STAT1: variants seen among roughly 807,000 people sequenced by gnomAD.
STAT1 encodes the protein signal transducer and activator of transcription 1-alpha/beta.
A neutral mutation model predicts 111.7 loss-of-function variants in STAT1; 24 were observed. That is an observed-to-expected ratio of 0.21 (90% confidence interval 0.16 to 0.30). The LOEUF is 0.30. STAT1 is among the 10% of genes least tolerant of loss of function. STAT1 has a pLI of 1.00. For synonymous variants in STAT1, 332 were observed against 326.5 expected (o/e 1.02, Z -0.18); for missense variants, 351 against 911.9 (o/e 0.38, Z 7.92).
At position 190,978,777 on chromosome 2, in the gene STAT1, G is replaced by C; in HGVS notation, c.1873+79C>G. ...ATTTCATGTCCCAAACGCACTATCTGTATGAGCTGACTGGCGGCGATGAAG... is the reference window on the plus strand; with the variant it reads ...ATTTCATGTCCCAAACGCACTATCTCTATGAGCTGACTGGCGGCGATGAAG... On this transcript the variant is annotated intron_variant, in intron 21 of 24. Transcript: ENST00000361099. The surrounding 1 kb of genome is among the most constrained non-coding windows in gnomAD (Gnocchi z 6.1). The C allele has an allele frequency of 6.4e-7, 1 of 1,567,590 alleles. No homozygotes were observed. The highest frequency in any genetic ancestry group is 8.7e-7 in the Non-Finnish European group (1 of 1,152,380).
At chr2:190,994,991 G>T in intron 10 of STAT1, 70 bp downstream of exon 10, 1 of 1,342,498 alleles carries the variant, frequency 7.4e-7, no homozygotes, top group Non-Finnish European at 1.1e-6. Context: ...TAAATCATCT[G>T]AATTAACGGT....
rs1227074505 is a variant in STAT1 at position 191,012,289 on chromosome 2, A to C, written c.-2+1236T>G. Reference sequence around the variant, plus strand: ...AAATTAGCAGGGCATGGTGGTGTGCACCTGTAGTCCCAACTACTCGTGAGG... The same window carrying C: ...AAATTAGCAGGGCATGGTGGTGTGCCCCTGTAGTCCCAACTACTCGTGAGG... On this transcript the variant is annotated intron_variant, in intron 2 of 24. Transcript: ENST00000361099. This position sits in a 1 kb window ranked among gnomAD's most constrained non-coding sequence, Gnocchi z 4.0. 6.6e-6 allele frequency among the ~76,000 whole-genome samples: 1 copy of C among 151,768 alleles called. No individual in the cohort carries two copies. The highest frequency in any genetic ancestry group is 2.0e-4 in the East Asian group (1 of 5,106).
rs146141778 is a variant in STAT1 at position 190,995,204 on chromosome 2, C to G, written c.801G>C (p.Ala267=). ...DQLQNWFTIV[A]ESLQQVRQQL... ...GCTGCCGAACTTGCTGCAGACTCTC[C>G]GCAACTATAGTGAACCTGGGAAGAC... Residue 267 remains alanine (A), a synonymous_variant, in exon 10 of 25, where the codon GCG becomes GCC. Transcript: ENST00000361099. The surrounding 1 kb of genome is among the most constrained non-coding windows in gnomAD (Gnocchi z 4.2). The G allele has an allele frequency of 6.2e-6, 10 of 1,613,868 alleles. No homozygotes were observed. The highest frequency in any genetic ancestry group is 8.5e-6 in the Non-Finnish European group (10 of 1,179,948).
chr2:190,990,787 G>A lies in STAT1; in HGVS notation c.1037+441C>T, dbSNP rs1366235757. 2.0e-5 allele frequency among the ~76,000 whole-genome samples: 3 copies of A among 152,078 alleles called. No homozygotes were observed. Among genetic ancestry groups the A allele is most frequent in the East Asian group, 1.9e-4 (1 of 5,190 alleles). ...GGTGGTCCACAGATATTTATATCAC[G>A]GACTGCTTTGAGAAACTGATGAAAG... On this transcript the variant is annotated intron_variant, in intron 11 of 24. Coordinates refer to ENST00000361099, the MANE Select transcript of STAT1 (RefSeq NM_007315.4). This position sits in a 1 kb window ranked among gnomAD's most constrained non-coding sequence, Gnocchi z 5.1.
intron 10 of STAT1, 134 bp downstream of exon 10, chr2:190,994,927 A>AAAATATATATATATATATAT (rs1165918318): frequency 1.5e-5 from 2 of 134,084 alleles, no homozygotes; most frequent in African/African-American, 8.0e-5. Context: ...AAAAAAAAAA[A>AAAATATATATATATATATAT]ATATATATAT....
At position 190,998,117 on chromosome 2, in the gene STAT1, A is replaced by G; in HGVS notation, c.633+100T>C. 9 of 1,559,570 alleles carry G rather than the reference A, an allele frequency of 5.8e-6. No homozygotes were observed. Among genetic ancestry groups the G allele is most frequent in the Non-Finnish European group, 7.9e-6 (9 of 1,135,668 alleles). On this transcript the variant is annotated intron_variant, in intron 8 of 24. Transcript: ENST00000361099. The surrounding 1 kb of genome is among the most constrained non-coding windows in gnomAD (Gnocchi z 4.1). ...TCATTTCATTCTCAACTGGGGCTCTAAGCCAGGTGGCTATAATTTTTCCTC... is the reference window on the plus strand; with the variant it reads ...TCATTTCATTCTCAACTGGGGCTCTGAGCCAGGTGGCTATAATTTTTCCTC...
chr2:190,969,179 CTTTG>C lies in STAT1; in HGVS notation c.*1520_*1523del, dbSNP rs1360916619. On this transcript the variant is annotated 3_prime_UTR_variant, in exon 25 of 25. Transcript: ENST00000361099. Reference sequence around the variant, plus strand: ...AACAATATTGTTTTAATGTTGTCTTCTTTGTTTTTTAGTCATTTCAATTGTAAAA... The same window carrying C: ...AACAATATTGTTTTAATGTTGTCTTCTTTTTTAGTCATTTCAATTGTAAAA... 5.3e-5 allele frequency: 8 copies of C among 150,590 alleles called. No individual in the cohort carries two copies. In the East Asian group the frequency reaches 1.3e-3, roughly 25 times the overall value. The allele number at this position is 150,590 out of a possible 1,614,324, so 9.3% of individuals were successfully genotyped here. A position where few individuals can be genotyped will look rare whatever the true frequency, so the allele number is the denominator to read the frequency against.
At position 191,007,259 on chromosome 2, in the gene STAT1, T is replaced by A. The variant is rs1235939051; in HGVS notation, c.372+304A>T. The stretch of plus-strand genomic sequence containing the variant: ...ACTCAGAGGCCTTTCCTGACCCTGA[T>A]CTAAAGGAACAACCCCACTCCCAGC... On this transcript the variant is annotated intron_variant, in intron 5 of 24. Transcript: ENST00000361099. The surrounding 1 kb of genome is among the most constrained non-coding windows in gnomAD (Gnocchi z 4.2). Among the ~76,000 whole-genome samples the A allele has an allele frequency of 6.6e-6, 1 of 152,132 alleles. No individual in the cohort carries two copies. Among genetic ancestry groups the A allele is most frequent in the Non-Finnish European group, 1.5e-5 (1 of 68,024 alleles).
rs992655129 is a variant in STAT1 at position 191,003,761 on chromosome 2, C to A, written c.373-2598G>T. Among the ~76,000 whole-genome samples, 1 of 152,162 alleles carries A rather than the reference C, an allele frequency of 6.6e-6. No individual in the cohort carries two copies. The highest frequency in any genetic ancestry group is 1.5e-5 in the Non-Finnish European group (1 of 68,026). ...ATAAATTACCCAGTCTCAGGTATTT[C>A]TTTATAGCCATGCAAGAACAGACTA... On this transcript the variant is annotated intron_variant, in intron 5 of 24. Coordinates refer to ENST00000361099, the MANE Select transcript of STAT1 (RefSeq NM_007315.4). This position sits in a 1 kb window ranked among gnomAD's most constrained non-coding sequence, Gnocchi z 4.0.
chr2:190,989,625 A>G lies in STAT1; in HGVS notation c.1087T>C (p.Leu363=). The G allele has an allele frequency of 6.4e-7, 1 of 1,569,408 alleles. No homozygotes were observed. Among genetic ancestry groups the G allele is most frequent in the Non-Finnish European group, 8.7e-7 (1 of 1,145,478 alleles). ...TTAAAGATATCTTACTTATCAAATA[A>G]GACTTTGACTTTCAAATTATAATTC... ...ELNYNLKVKV[L]FDKDVNERNT... is the part of the protein sequence containing the mutation. The change falls in exon 12 of 25, where the codon TTA becomes CTA. Residue 363 remains leucine, a synonymous_variant. Coordinates refer to ENST00000361099, the MANE Select transcript of STAT1 (RefSeq NM_007315.4). The surrounding 1 kb of genome is among the most constrained non-coding windows in gnomAD (Gnocchi z 5.0).
chr2:190,971,389 C>T lies in STAT1; in HGVS notation c.2239-672G>A, dbSNP rs1035391948. ...CTGAAGACATTGCTGATTGTCCCAT[C>T]TGGCTGTGAGGGTGCATGTGCTTAC... On this transcript the variant is annotated intron_variant, in intron 24 of 24. Coordinates refer to ENST00000361099, the MANE Select transcript of STAT1 (RefSeq NM_007315.4). This position sits in a 1 kb window ranked among gnomAD's most constrained non-coding sequence, Gnocchi z 4.1. Among the ~76,000 whole-genome samples the T allele has an allele frequency of 4.6e-5, 7 of 152,170 alleles. No homozygotes were observed. Among genetic ancestry groups the T allele is most frequent in the African/African-American group, 1.7e-4 (7 of 41,438 alleles).
Position 190,993,648 on chromosome 2 carries a change from A to T in STAT1, c.944+1413T>A, listed in dbSNP as rs1374257128. 9.3e-6 allele frequency: 5 copies of T among 538,158 alleles called. No individual in the cohort carries two copies. The highest frequency in any genetic ancestry group is 3.0e-4 in the Middle Eastern group (1 of 3,324). 33.3% of individuals were successfully genotyped at this position (538,158 alleles called of 1,614,324 possible). Reference sequence around the variant, plus strand: ...TGACTCTCTGCACCACGGGTAACTGAAGGAAAGGAATGAGATAGGCTGTTC... The same window carrying T: ...TGACTCTCTGCACCACGGGTAACTGTAGGAAAGGAATGAGATAGGCTGTTC... On this transcript the variant is annotated intron_variant, in intron 10 of 24. Transcript: ENST00000361099. The surrounding 1 kb of genome is among the most constrained non-coding windows in gnomAD (Gnocchi z 4.1).
chr2:190,976,332 C>T lies in STAT1; in HGVS notation c.2060-445G>A, dbSNP rs982588168. ...AACAGCTTTGTTGGTGTGTTCCAAA[C>T]AAAACAGGTCTAATTCGAACCTTCT... On this transcript the variant is annotated intron_variant, in intron 22 of 24. Coordinates refer to ENST00000361099, the MANE Select transcript of STAT1 (RefSeq NM_007315.4). This position sits in a 1 kb window ranked among gnomAD's most constrained non-coding sequence, Gnocchi z 6.0. Among the ~76,000 whole-genome samples the T allele has an allele frequency of 6.6e-6, 1 of 152,222 alleles. No homozygotes were observed. Among genetic ancestry groups the T allele is most frequent in the African/African-American group, 2.4e-5 (1 of 41,458 alleles).
At position 190,993,298 on chromosome 2, in the gene STAT1, C is replaced by T. The variant is rs559742941; in HGVS notation, c.944+1763G>A. 3.0e-6 allele frequency: 2 copies of T among 668,332 alleles called. No individual in the cohort carries two copies. The highest frequency in any genetic ancestry group is 5.7e-5 in the East Asian group (2 of 34,998). The allele number at this position is 668,332 out of a possible 1,614,324, so 41.4% of individuals were successfully genotyped here. On this transcript the variant is annotated intron_variant, in intron 10 of 24. Transcript: ENST00000361099. The surrounding 1 kb of genome is among the most constrained non-coding windows in gnomAD (Gnocchi z 4.1). ...AGGACTCCTGATCTGTCACATCATACACCACTAGGATGCCATTGGCTCCTC... is the reference window on the plus strand; with the variant it reads ...AGGACTCCTGATCTGTCACATCATATACCACTAGGATGCCATTGGCTCCTC...
Position 190,997,671 on chromosome 2 carries a change from C to T in STAT1, c.785+185G>A, listed in dbSNP as rs62179905. Reference sequence around the variant, plus strand: ...ACCAAGCAGACGTGGCTGAACGTGGCGAGAGTCATGAATAACACTGTGCTT... The same window carrying T: ...ACCAAGCAGACGTGGCTGAACGTGGTGAGAGTCATGAATAACACTGTGCTT... On this transcript the variant is annotated intron_variant, in intron 9 of 24. Transcript: ENST00000361099. This position sits in a 1 kb window ranked among gnomAD's most constrained non-coding sequence, Gnocchi z 7.3. Among the ~76,000 whole-genome samples the T allele has an allele frequency of 6.6e-6, 1 of 152,080 alleles. No individual in the cohort carries two copies. Among genetic ancestry groups the T allele is most frequent in the Non-Finnish European group, 1.5e-5 (1 of 68,028 alleles).
intron 10 of STAT1, chr2:190,992,563 A>G (rs1465937126): frequency 1.2e-5 from 5 of 431,812 alleles, no homozygotes; most frequent in African/African-American, 2.1e-5. Flanking sequence ...CATACAGTAC[A>G]ATTCAGGCAA....
At chr2:190,992,018 G>T (rs34230248) in intron 10 of STAT1, among the ~76,000 whole-genome samples, 11,532 of 152,190 alleles carry the variant, frequency 0.076, 544 homozygotes, top group Middle Eastern at 0.12. Flanking sequence ...AGGGAACCAA[G>T]TACATTTTTT....
rs747888324 is a variant in STAT1 at position 190,987,079 on chromosome 2, AATAT to A, written c.1098-15_1098-12del. On this transcript the variant is annotated splice_polypyrimidine_tract_variant and intron_variant, in intron 12 of 24. Transcript: ENST00000361099. This position sits in a 1 kb window ranked among gnomAD's most constrained non-coding sequence, Gnocchi z 4.0. ...CTCTCATTCACATCTCTGCAAAAAA[AATAT>A]ATATAATCACATATGCGTATTTAAA... The A allele has an allele frequency of 1.4e-5, 23 of 1,596,086 alleles. No homozygotes were observed. Among genetic ancestry groups the A allele is most frequent in the Non-Finnish European group, 1.9e-5 (22 of 1,165,186 alleles).
At position 190,970,687 on chromosome 2, in the gene STAT1, GA is replaced by G; in HGVS notation, c.*15del. 2 of 1,612,900 alleles carry G rather than the reference GA, an allele frequency of 1.2e-6. No homozygotes were observed. Among genetic ancestry groups the G allele is most frequent in the Non-Finnish European group, 1.7e-6 (2 of 1,179,260 alleles). On this transcript the variant is annotated 3_prime_UTR_variant, in exon 25 of 25. Coordinates refer to ENST00000361099, the MANE Select transcript of STAT1 (RefSeq NM_007315.4). The surrounding 1 kb of genome is among the most constrained non-coding windows in gnomAD (Gnocchi z 5.4). ...AAGGAAAACTGTCGCCAGAGAAGAT[GA>G]AAAAAATTCATGCTCTATACTGTGT...
Sources: allele counts gnomAD v4.1 joint callset (sites outside exome capture counted in the v4.1 genomes callset), GRCh38; gene constraint gnomAD v4.1.1; non-coding constraint Gnocchi (gnomAD v3.1); transcripts MANE v1.5; gene names NCBI Gene and HGNC (gene_info 2026-07-23, HGNC 2026-07-21).